The following GCGR variants were observed in gnomAD, a reference collection of about 807,000 sequenced individuals.
The protein encoded by GCGR is glucagon receptor.
GCGR carries 41 observed loss-of-function variants against 56.1 expected under a neutral mutation model. The observed-to-expected ratio is 0.73, with a 90% confidence interval of 0.57 to 0.95. The LOEUF (loss-of-function observed/expected upper bound fraction) is 0.95. Among genes scored for constraint, GCGR ranks in the 40% least tolerant of loss-of-function variants. The pLI is 0.00. For missense variants in GCGR, 595 were observed against 638.2 expected (o/e 0.93, Z 0.73); for synonymous variants, 278 against 271.1 (o/e 1.03, Z -0.25).
rs1178701469 is a variant in GCGR, at chr17:81,808,984, T to G, written c.-35T>G. ...TGCATTGCCCCAGCTGTGCAGCCCC[T>G]GCCAGATGTGGGAGGCAGCTAGCTG... On this transcript the variant is annotated 5_prime_UTR_variant, in exon 2 of 14. Transcript: ENST00000400723. The G allele has an allele frequency of 6.5e-7, 1 of 1,535,404 alleles. No individual in the cohort carries two copies. Among genetic ancestry groups the G allele is most frequent in the Non-Finnish European group, 8.7e-7 (1 of 1,146,642 alleles).
chr17:81,805,673 T>C (rs1021258487), intron 1 of GCGR, among the ~76,000 whole-genome samples: 7 of 149,504 alleles, frequency 4.7e-5, no homozygotes, highest in African/African-American at 1.7e-4. Context: ...ACCCCCACAT[T>C]GGGCACCTCG....
Position 81,812,380 on chromosome 17 carries a change from A to G in GCGR, c.948+128A>G. On this transcript the variant is annotated intron_variant, in intron 10 of 13. Coordinates refer to ENST00000400723, the MANE Select transcript of GCGR (RefSeq NM_000160.5). The surrounding 1 kb of genome is among the most constrained non-coding windows in gnomAD (Gnocchi z 8.5). ...GGAGCCGGCACCCAGACAGGACACC[A>G]GGACACTGGCCAGCACCCTGGACAC... 8.7e-7 allele frequency: 1 copy of G among 1,150,170 alleles called. No homozygotes were observed. Among genetic ancestry groups the G allele is most frequent in the South Asian group, 1.4e-5 (1 of 71,990 alleles). 71.2% of individuals were successfully genotyped at this position (1,150,170 alleles called of 1,614,324 possible).
chr17:81,805,828 G>A (rs945023631), intron 1 of GCGR, among the ~76,000 whole-genome samples: 4 of 152,280 alleles, frequency 2.6e-5, no homozygotes, highest in Non-Finnish European at 4.4e-5. Context: ...CTGTGTCGCC[G>A]GAAGGGTAAT....
chr17:81,805,694 CT>C (rs1439218973), intron 1 of GCGR, among the ~76,000 whole-genome samples: 10 of 151,346 alleles, frequency 6.6e-5, no homozygotes, highest in African/African-American at 9.7e-5. Flanking sequence ...GGAACCCCCC[CT>C]ATTGGGCACC....
rs1159006887 is a variant in GCGR at position 81,806,177 on chromosome 17, G to A, written c.-178+1928G>A. On this transcript the variant is annotated intron_variant, in intron 1 of 13. Transcript: ENST00000400723. The surrounding 1 kb of genome is among the most constrained non-coding windows in gnomAD (Gnocchi z 6.5). The stretch of plus-strand genomic sequence containing the variant: ...TCCCCCCCCGGCTCCACCCACCCCT[G>A]TTGGGGTGAGGAGCTGGAGTCTCCC... Among the ~76,000 whole-genome samples the A allele has an allele frequency of 2.0e-5, 3 of 152,086 alleles. No individual in the cohort carries two copies. The highest frequency in any genetic ancestry group is 7.2e-5 in the African/African-American group (3 of 41,414).
chr17:81,807,889 T>C (rs1256773162), intron 1 of GCGR, among the ~76,000 whole-genome samples: 21 of 152,218 alleles, frequency 1.4e-4, no homozygotes, highest in Admixed American at 1.4e-3. Flanking sequence ...GACCAGGGGC[T>C]GTGACTCCCA....
intron 1 of GCGR, among the ~76,000 whole-genome samples, chr17:81,807,687 G>A (rs991037169): frequency 6.6e-6 from 1 of 152,230 alleles, no homozygotes; most frequent in Non-Finnish European, 1.5e-5. Context: ...AGAAGAGCCC[G>A]TAACAGCCCG....
Position 81,810,356 on chromosome 17 carries a change from A to T in GCGR, c.164-469A>T, listed in dbSNP as rs560039246. 6.7e-4 allele frequency: 219 copies of T among 327,540 alleles called. 1 individual carries two copies. The highest frequency in any genetic ancestry group is 1.4e-3 in the South Asian group (50 of 35,102). 20.3% of individuals were successfully genotyped at this position (327,540 alleles called of 1,614,324 possible). On this transcript the variant is annotated intron_variant, in intron 3 of 13. Coordinates refer to ENST00000400723, the MANE Select transcript of GCGR (RefSeq NM_000160.5). The surrounding 1 kb of genome is among the most constrained non-coding windows in gnomAD (Gnocchi z 4.6). ...GGTTCGGATGAGGGAGGCAGCCACC[A>T]CTGGGCAGAGGGGGGCAGGTGTGGC...
rs1287013106 is a variant in GCGR at position 81,809,892 on chromosome 17, C to T, written c.163+8C>T. ...TGCTGCCCCCTCCCACGGGTGAGCC[C>T]CCCACCCAGAGCCTTTCAGCCTGTG... On this transcript the variant is annotated splice_region_variant and intron_variant, in intron 3 of 13. Coordinates refer to ENST00000400723, the MANE Select transcript of GCGR (RefSeq NM_000160.5). The T allele has an allele frequency of 6.6e-7, 1 of 1,520,982 alleles. No homozygotes were observed. Among genetic ancestry groups the T allele is most frequent in the Non-Finnish European group, 8.8e-7 (1 of 1,132,696 alleles). 94.2% of individuals were successfully genotyped at this position (1,520,982 alleles called of 1,614,324 possible). A position where few individuals can be genotyped will look rare whatever the true frequency, so the allele number is the denominator to read the frequency against.
Position 81,814,001 on chromosome 17 carries a change from A to G in GCGR, c.*312A>G. The G allele has an allele frequency of 2.5e-6, 1 of 393,320 alleles. No individual in the cohort carries two copies. The highest frequency in any genetic ancestry group is 3.2e-5 in the South Asian group (1 of 31,012). The allele number at this position is 393,320 out of a possible 1,614,324, so 24.4% of individuals were successfully genotyped here. A position where few individuals can be genotyped will look rare whatever the true frequency, so the allele number is the denominator to read the frequency against. ...ATGTCCTCCAACAATAAAGAGCTCA[A>G]GTGGTCACCGTGCATGTCCTGGAAA... On this transcript the variant is annotated 3_prime_UTR_variant, in exon 14 of 14. Coordinates refer to ENST00000400723, the MANE Select transcript of GCGR (RefSeq NM_000160.5).
chr17:81,808,754 C>A (rs903115804), intron 1 of GCGR, 88 bp from the exon 2 acceptor site: 2 of 551,894 alleles, frequency 3.6e-6, no homozygotes, highest in African/African-American at 3.8e-5. Context: ...CTCCAGACCT[C>A]GTGATCCACC....
chr17:81,808,983 C>A lies in GCGR; in HGVS notation c.-36C>A, dbSNP rs1226699199. Reference sequence around the variant, plus strand: ...CTGCATTGCCCCAGCTGTGCAGCCCCTGCCAGATGTGGGAGGCAGCTAGCT... The same window carrying A: ...CTGCATTGCCCCAGCTGTGCAGCCCATGCCAGATGTGGGAGGCAGCTAGCT... On this transcript the variant is annotated 5_prime_UTR_variant, in exon 2 of 14. It adds an upstream start codon to the 5' untranslated region. Coordinates refer to ENST00000400723, the MANE Select transcript of GCGR (RefSeq NM_000160.5). 6.5e-7 allele frequency: 1 copy of A among 1,535,442 alleles called. No individual in the cohort carries two copies. Among genetic ancestry groups the A allele is most frequent in the Non-Finnish European group, 8.7e-7 (1 of 1,146,662 alleles).
In GCGR at chr17:81,806,342, G is replaced by A. The variant is rs1490968698; in HGVS notation, c.-178+2093G>A. On this transcript the variant is annotated intron_variant, in intron 1 of 13. Coordinates refer to ENST00000400723, the MANE Select transcript of GCGR (RefSeq NM_000160.5). This position sits in a 1 kb window ranked among gnomAD's most constrained non-coding sequence, Gnocchi z 6.5. ...CAGAGGCCCTGACCCCTAGGGATCC[G>A]GGACTAGGGGTGCCCTATGGGGAGC... is the stretch of plus-strand genomic sequence containing the variant. 1.3e-5 allele frequency among the ~76,000 whole-genome samples: 2 copies of A among 152,178 alleles called. No individual in the cohort carries two copies. Among genetic ancestry groups the A allele is most frequent in the Non-Finnish European group, 2.9e-5 (2 of 68,018 alleles).
At chr17:81,807,908 G>A (rs983566765) in intron 1 of GCGR, among the ~76,000 whole-genome samples, 37 of 152,226 alleles carry the variant, frequency 2.4e-4, no homozygotes, top group Non-Finnish European at 3.4e-4. Context: ...CACAGCCCTG[G>A]CAGGCACCAC....
intron 1 of GCGR, 41 bp from the exon 2 acceptor site, chr17:81,808,801 G>A (rs1598234393): frequency 1.7e-6 from 1 of 604,944 alleles, no homozygotes; most frequent in East Asian, 2.8e-5. Flanking sequence ...TTACAGGCGT[G>A]AGCCGCCGCG....
chr17:81,813,391 T>C lies in GCGR; in HGVS notation c.1219-83T>C, dbSNP rs2038144094. 2.3e-6 allele frequency: 3 copies of C among 1,310,868 alleles called. No homozygotes were observed. The East Asian group carries it at 7.6e-5, about 33-fold the overall frequency. The allele number at this position is 1,310,868 out of a possible 1,614,324, so 81.2% of individuals were successfully genotyped here. On this transcript the variant is annotated intron_variant, in intron 13 of 13. Coordinates refer to ENST00000400723, the MANE Select transcript of GCGR (RefSeq NM_000160.5). The surrounding 1 kb of genome is among the most constrained non-coding windows in gnomAD (Gnocchi z 5.3). ...CCCCTCAGAGCGGAGACTGGGCATC[T>C]CCGATGAGGCCCACAGCAGGTCCCG...
chr17:81,809,474 T>TCTGC (rs1378559449), intron 2 of GCGR, among the ~76,000 whole-genome samples: 11 of 138,444 alleles, frequency 7.9e-5, no homozygotes, highest in Admixed American at 7.8e-4. Flanking sequence ...TGCCTGCCTG[T>TCTGC]CTGCCTGCCT....
chr17:81,810,146 C>T lies in GCGR; in HGVS notation c.163+262C>T, dbSNP rs1170438333. The T allele has an allele frequency of 5.3e-6, 3 of 561,434 alleles. No homozygotes were observed. In the African/African-American group the frequency reaches 5.6e-5, roughly 11 times the overall value. The allele number at this position is 561,434 out of a possible 1,614,324, so 34.8% of individuals were successfully genotyped here. ...CAGAACCGGCTGCTGCTGCTGCCCC[C>T]AGGCCCAGATGGGTAATACCACCTA... On this transcript the variant is annotated intron_variant, in intron 3 of 13. Coordinates refer to ENST00000400723, the MANE Select transcript of GCGR (RefSeq NM_000160.5). This position sits in a 1 kb window ranked among gnomAD's most constrained non-coding sequence, Gnocchi z 4.6.
rs1187930393 is a variant in GCGR at position 81,813,596 on chromosome 17, G to C, written c.1341G>C (p.Glu447Asp). The change falls in exon 14 of 14, where the codon GAG (glutamate) becomes GAC (aspartate). Residue 447 changes from glutamate to aspartate, a missense_variant. Physicochemically the swap from Glu to Asp is conservative, Grantham distance 45. Coordinates refer to ENST00000400723, the MANE Select transcript of GCGR (RefSeq NM_000160.5). The surrounding 1 kb of genome is among the most constrained non-coding windows in gnomAD (Gnocchi z 5.3). ...SSPGHGPPSK[E>D]LQFGRGGGSQ... ...CCGGCCACGGCCCTCCCAGCAAGGA[G>C]CTGCAGTTTGGGAGGGGTGGTGGCA... 6.5e-7 allele frequency: 1 copy of C among 1,536,598 alleles called. No homozygotes were observed. Among genetic ancestry groups the C allele is most frequent in the East Asian group, 2.4e-5 (1 of 40,918 alleles).
Sources: gnomAD v4.1 joint callset for allele counts (sites outside exome capture counted in the v4.1 genomes callset) on GRCh38, gnomAD v4.1.1 for gene constraint, Gnocchi (gnomAD v3.1) non-coding constraint, MANE v1.5 for transcripts, NCBI Gene and HGNC (gene_info 2026-07-23, HGNC 2026-07-21) for gene names.